KLHL13: variants seen among roughly 807,000 people sequenced by gnomAD.
The protein encoded by KLHL13 is kelch like family member 13, also known as kelch-like protein 13.
Under a neutral mutation model 37.1 loss-of-function variants are expected in KLHL13, and 10 were observed. The observed-to-expected ratio is 0.27, with a 90% CI of 0.17 to 0.46. The LOEUF (loss-of-function observed/expected upper bound fraction) is 0.46. Among genes scored for constraint, KLHL13 ranks in the 20% least tolerant of loss-of-function variants. The probability of loss-of-function intolerance (pLI) is 1.00; values close to 1 mark genes in which losing one functional copy is unlikely to be tolerated. For synonymous variants in KLHL13, 163 were observed against 181.2 expected, an observed-to-expected ratio of 0.90 and a Z score of 0.81; for missense variants, 360 against 509.3, an observed-to-expected ratio of 0.71 and a Z score of 2.82.
intron 2 of KLHL13, among the ~76,000 whole-genome samples, chrX:117,923,129 T>G (rs965927967): frequency 3.6e-5 from 4 of 112,022 alleles, no homozygotes; most frequent in Admixed American, 1.9e-4. Context: ...CACTCAGGTT[T>G]TCCCTCAAAT....
intron 1 of KLHL13, among the ~76,000 whole-genome samples, chrX:118,031,420 A>AATAT (rs1038220299): frequency 2.5e-4 from 18 of 73,466 alleles, no homozygotes; most frequent in Non-Finnish European, 4.5e-4. Context: ...TTAGCCAGGG[A>AATAT]ATATATATAG....
intron 1 of KLHL13, chrX:117,947,056 A>T (rs1037729672): frequency 3.6e-5 from 4 of 112,264 alleles, no homozygotes; most frequent in African/African-American, 1.3e-4. Context: ...AAAAGCATAA[A>T]AGAAACTGGA....
At position 118,040,403 on chromosome X, in the gene KLHL13, T is replaced by A. The variant is rs935437776; in HGVS notation, c.-56+76105A>T. Among the ~76,000 whole-genome samples, 4 of 111,238 alleles carry A rather than the reference T, an allele frequency of 3.6e-5. No individual in the cohort carries two copies. The Admixed American group carries it at 3.8e-4, about 11-fold the overall frequency. ...ATTCAGAATCCTATCAGACGAGAGC[T>A]GAAAAATACAAATGACATACTGAAG... On this transcript the variant is annotated intron_variant, in intron 1 of 6. Transcript: ENST00000371882.
chrX:117,957,068 A>G (rs775886570), intron 1 of KLHL13, among the ~76,000 whole-genome samples: 4 of 111,403 alleles, frequency 3.6e-5, no homozygotes, highest in Non-Finnish European at 7.5e-5. Context: ...AAATTATTTG[A>G]CCACCTTTGA....
chrX:118,001,504 T>C (rs969816683), intron 1 of KLHL13, among the ~76,000 whole-genome samples: 2 of 111,597 alleles, frequency 1.8e-5, no homozygotes, highest in Non-Finnish European at 3.8e-5. Context: ...ACTAATGCAA[T>C]TGAATGAACA....
chrX:118,025,233 C>T (rs911426451), intron 1 of KLHL13, among the ~76,000 whole-genome samples: 1 of 111,683 alleles, frequency 9.0e-6, no homozygotes, highest in African/African-American at 3.3e-5. Context: ...GTACAGTAGT[C>T]CCTGCTTATG....
chrX:118,100,151 A>T (rs1256122730), intron 1 of KLHL13, among the ~76,000 whole-genome samples: 2 of 111,734 alleles, frequency 1.8e-5, no homozygotes, highest in African/African-American at 6.5e-5. Context: ...ATTTTTGCCA[A>T]AATACAGTAT....
chrX:117,903,488 C>G (rs997829940), intron 5 of KLHL13, among the ~76,000 whole-genome samples: 2 of 110,667 alleles, frequency 1.8e-5, no homozygotes, highest in African/African-American at 6.6e-5. Flanking sequence ...ACAAGTTAAA[C>G]TGCCACATGC....
intron 1 of KLHL13, among the ~76,000 whole-genome samples, chrX:118,067,645 A>G (rs773196439): frequency 9.0e-6 from 1 of 110,561 alleles, no homozygotes; most frequent in East Asian, 2.8e-4. Context: ...TACTTTTTAA[A>G]CTTTTTTTTA....
At chrX:118,020,746 TG>T (rs1377512276) in intron 1 of KLHL13, among the ~76,000 whole-genome samples, 3 of 110,405 alleles carry the variant, frequency 2.7e-5, no homozygotes, top group Non-Finnish European at 5.7e-5. Context: ...CTAACCCAAA[TG>T]TCTAACAATG....
intron 1 of KLHL13, among the ~76,000 whole-genome samples, chrX:118,048,349 T>C (rs747609371): frequency 2.1e-4 from 23 of 110,973 alleles, no homozygotes; most frequent in African/African-American, 6.2e-4. Flanking sequence ...CACACAGATA[T>C]AGAAAAAGGA....
At chrX:118,116,288 G>C (rs1356463735) in intron 1 of KLHL13, among the ~76,000 whole-genome samples, 1 of 112,235 alleles carries the variant, frequency 8.9e-6, no homozygotes, top group Non-Finnish European at 1.9e-5. Context: ...CGGAGCCAGA[G>C]GGACCGGCAG....
intron 1 of KLHL13, among the ~76,000 whole-genome samples, chrX:118,024,803 G>A (rs112304188): frequency 1.3e-4 from 15 of 111,724 alleles, no homozygotes; most frequent in African/African-American, 1.9e-4. Flanking sequence ...TTCAAAAAAC[G>A]TTTGGTAGTT....
At chrX:117,977,398 T>C (rs1569431712), upstream of KLHL13, among the ~76,000 whole-genome samples, 1 of 111,778 alleles carries the variant, frequency 8.9e-6, no homozygotes, top group South Asian at 3.7e-4. Context: ...TAAATAATTT[T>C]ATAGTAAAAC....
exon 1 of KLHL13, chrX:117,973,041 G>T (rs1197350870): frequency 9.6e-7 from 1 of 1,041,945 alleles, no homozygotes; most frequent in Non-Finnish European, 1.2e-6. Flanking sequence ...GCAATATGAT[G>T]ATTCAATCAT....
At chrX:117,923,599 T>C (rs1439139406) in intron 2 of KLHL13, among the ~76,000 whole-genome samples, 1 of 112,348 alleles carries the variant, frequency 8.9e-6, no homozygotes, top group Non-Finnish European at 1.9e-5. Context: ...CCTGCAAATA[T>C]TTTACAATTG....
chrX:118,020,818 A>G (rs1319854486), intron 1 of KLHL13, among the ~76,000 whole-genome samples: 1 of 110,383 alleles, frequency 9.1e-6, no homozygotes, highest in Non-Finnish European at 1.9e-5. Context: ...AGCCATAAAA[A>G]TGATGAGTTT....
intron 1 of KLHL13, among the ~76,000 whole-genome samples, chrX:117,950,871 G>A (rs771059081): frequency 2.9e-4 from 33 of 112,519 alleles, no homozygotes; most frequent in African/African-American, 7.7e-4. Context: ...TTGTGATAAA[G>A]TTGCATGGCA....
At chrX:118,006,863 A>G (rs758017366) in intron 1 of KLHL13, among the ~76,000 whole-genome samples, 40 of 111,731 alleles carry the variant, frequency 3.6e-4, no homozygotes, top group Admixed American at 1.1e-3. Context: ...TAAATAAACT[A>G]CCCTTAAAGG....
Sources: gnomAD v4.1 joint callset for allele counts (sites outside exome capture counted in the v4.1 genomes callset) on GRCh38, gnomAD v4.1.1 for gene constraint, MANE v1.5 for transcripts, NCBI Gene and HGNC (gene_info 2026-07-23, HGNC 2026-07-21) for gene names.